KCNH8: variants seen among roughly 807,000 people sequenced by gnomAD.
The protein encoded by KCNH8 is voltage-gated delayed rectifier potassium channel KCNH8.
Under a neutral mutation model 103.6 loss-of-function variants are expected in KCNH8, and 70 were observed. The ratio of observed to expected loss-of-function variants is 0.68; its 90% CI spans 0.56 to 0.82. KCNH8 has a LOEUF of 0.82. Ranked by LOEUF, KCNH8 falls within the 40% of genes least tolerant of loss-of-function variation. KCNH8 has a pLI of 0.00. For synonymous variants in KCNH8, 498 were observed against 489.4 expected (o/e 1.02, Z -0.23); for missense variants, 1,217 against 1,329.9 (o/e 0.92, Z 1.32).
At chr3:19,182,211 A>G (rs1036764420) in intron 1 of KCNH8, among the ~76,000 whole-genome samples, 1 of 152,134 alleles carries the variant, frequency 6.6e-6, no homozygotes, top group Non-Finnish European at 1.5e-5. Context: ...GCTTTGGCCA[A>G]TGGAACATTA....
chr3:19,439,475 C>T (rs756124824), intron 8 of KCNH8, among the ~76,000 whole-genome samples: 1 of 152,128 alleles, frequency 6.6e-6, no homozygotes, highest in Non-Finnish European at 1.5e-5. Flanking sequence ...CATGTCAAAT[C>T]TCAGAAAGCA....
intron 3 of KCNH8, among the ~76,000 whole-genome samples, chr3:19,312,761 A>G (rs1394508678): frequency 2.0e-5 from 3 of 151,990 alleles, no homozygotes; most frequent in Admixed American, 2.0e-4. Context: ...AGCTTGCTCC[A>G]CTGCTTTTAC....
chr3:19,210,369 A>G (rs1374397687), intron 1 of KCNH8, among the ~76,000 whole-genome samples: 1 of 152,042 alleles, frequency 6.6e-6, no homozygotes, highest in African/African-American at 2.4e-5. Flanking sequence ...TTCCAATTGT[A>G]TACTTAGCTG....
intron 1 of KCNH8, among the ~76,000 whole-genome samples, chr3:19,201,229 C>T (rs1374012455): frequency 1.0e-3 from 1 of 974 alleles, no homozygotes; most frequent in Non-Finnish European, 0.012. Context: ...AAGACTCTGC[C>T]TCAAAAAAAA....
At chr3:19,231,775 A>T (rs1402302132) in intron 1 of KCNH8, among the ~76,000 whole-genome samples, 1 of 152,170 alleles carries the variant, frequency 6.6e-6, no homozygotes, top group East Asian at 1.9e-4. Context: ...TTGAAGTAAT[A>T]AGTGTTTGGG....
At chr3:19,449,727 ATT>A (rs1379231784) in intron 8 of KCNH8, among the ~76,000 whole-genome samples, 1 of 152,070 alleles carries the variant, frequency 6.6e-6, no homozygotes, top group Non-Finnish European at 1.5e-5. Flanking sequence ...AATGAAGACT[ATT>A]TTATTGTAAC....
Position 19,201,406 on chromosome 3 carries a change from G to T in KCNH8, c.77-52248G>T, listed in dbSNP as rs181504620. ...AAAATTTAACAAATGTTTTTAAAAG[G>T]TCAATTATGTGCCATTGTGTCATTT... On this transcript the variant is annotated intron_variant, in intron 1 of 15. Transcript: ENST00000328405. Among the ~76,000 whole-genome samples the T allele has an allele frequency of 5.9e-5, 9 of 151,886 alleles. No individual in the cohort carries two copies. The East Asian group carries it at 1.5e-3, about 26-fold the overall frequency.
intron 2 of KCNH8, among the ~76,000 whole-genome samples, chr3:19,258,941 C>CTATATATATATA (rs1559446903): frequency 4.6e-5 from 3 of 64,524 alleles, no homozygotes; most frequent in African/African-American, 6.5e-5. Context: ...CTCTCTCTCT[C>CTATATATATATA]TCTCTCTATA....
intron 11 of KCNH8, among the ~76,000 whole-genome samples, chr3:19,508,162 T>C (rs1265713825): frequency 1.3e-5 from 2 of 152,190 alleles, no homozygotes; most frequent in Admixed American, 6.5e-5. Flanking sequence ...TTGTTGAGGA[T>C]TTTTATGTCT....
At chr3:19,423,703 T>A (rs973313506) in intron 7 of KCNH8, among the ~76,000 whole-genome samples, 3 of 151,948 alleles carry the variant, frequency 2.0e-5, no homozygotes, top group Admixed American at 6.6e-5. Flanking sequence ...TTTAGGCTGG[T>A]TTCATATTTT....
chr3:19,377,595 C>T (rs1425360054), intron 5 of KCNH8, among the ~76,000 whole-genome samples: 1 of 152,138 alleles, frequency 6.6e-6, no homozygotes, highest in Admixed American at 6.5e-5. Flanking sequence ...CATATTAATG[C>T]CTTGGTTTTA....
At chr3:19,458,376 G>A (rs1220647975) in intron 11 of KCNH8, among the ~76,000 whole-genome samples, 2 of 151,814 alleles carry the variant, frequency 1.3e-5, no homozygotes, top group Non-Finnish European at 2.9e-5. Context: ...AAGAGAAGAA[G>A]AAATTAGCAA....
intron 2 of KCNH8, among the ~76,000 whole-genome samples, chr3:19,258,947 CTATATA>C (rs71055060): frequency 0.03 from 740 of 24,682 alleles, 14 homozygotes; most frequent in Non-Finnish European, 0.042. Context: ...CTCTCTCTCT[CTATATA>C]TATATATATA....
chr3:19,410,025 A>C (rs1031567304), intron 7 of KCNH8, among the ~76,000 whole-genome samples: 1 of 152,158 alleles, frequency 6.6e-6, no homozygotes, highest in African/African-American at 2.4e-5. Context: ...GACTGGACCT[A>C]ATAAACATCT....
chr3:19,386,125 T>C (rs2125127896), intron 5 of KCNH8, among the ~76,000 whole-genome samples: 1 of 152,272 alleles, frequency 6.6e-6, no homozygotes, highest in East Asian at 1.9e-4. Context: ...AAAAAATGGA[T>C]TTAACCTTTC....
intron 2 of KCNH8, among the ~76,000 whole-genome samples, chr3:19,262,561 G>A (rs2064451305): frequency 2.0e-5 from 3 of 151,840 alleles, no homozygotes; most frequent in Admixed American, 1.3e-4. Flanking sequence ...TTAGGTAATG[G>A]GCTCATAGCA....
intron 13 of KCNH8, 57 bp downstream of exon 13, chr3:19,513,382 G>GTAGTGGCTGCCTTTTATACAGAT: frequency 6.6e-7 from 1 of 1,520,740 alleles, no homozygotes; most frequent in Non-Finnish European, 8.8e-7. Flanking sequence ...TTTATACAGA[G>GTAGTGGCTGCCTTTTATACAGAT]TAGTACCTGC....
rs1407261370 is a variant in KCNH8 at position 19,533,410 on chromosome 3, C to G, written c.2635C>G (p.Gln879Glu). 2 of 1,613,570 alleles carry G rather than the reference C, an allele frequency of 1.2e-6. No individual in the cohort carries two copies. The highest frequency in any genetic ancestry group is 2.2e-5 in the East Asian group (1 of 44,872). ...ATCCACATAGGTAACAACATTGACT[C>G]AGGAAGTTTCTCAGTTGGGTAAAGA... ...KLNSEVTTLT[Q>E]EVSQLGKDMR... The change falls in exon 16 of 16, where the codon CAG (glutamine) becomes GAG (glutamate). Residue 879 changes from glutamine (Q) to glutamate (E), a missense_variant. Gln to Glu is a conservative substitution (Grantham distance 29). This residue lies in a region of KCNH8 where 558 missense variants were observed against 495.8 expected (regional missense o/e 1.13). Transcript: ENST00000328405.
intron 2 of KCNH8, among the ~76,000 whole-genome samples, chr3:19,263,751 A>T (rs113428258): frequency 1.2e-4 from 19 of 152,108 alleles, no homozygotes; most frequent in African/African-American, 4.6e-4. Flanking sequence ...AGGAGACCAA[A>T]ATTCTACCTC....
Sources: allele counts gnomAD v4.1 joint callset (sites outside exome capture counted in the v4.1 genomes callset), GRCh38; gene constraint gnomAD v4.1.1; regional missense constraint gnomAD v4.1.1; transcripts MANE v1.5; gene names NCBI Gene and HGNC (gene_info 2026-07-23, HGNC 2026-07-21).